The following PDS5A variants were observed in gnomAD, a reference collection of about 807,000 sequenced individuals.
The protein encoded by PDS5A is sister chromatid cohesion protein PDS5 homolog A.
Under a neutral mutation model 167.1 loss-of-function variants are expected in PDS5A, and 42 were observed. The observed-to-expected ratio is 0.25, with a 90% CI of 0.20 to 0.33. PDS5A has a LOEUF of 0.33. Ranked by LOEUF, PDS5A falls within the 10% of genes least tolerant of loss-of-function variation. The pLI is 1.00. For synonymous variants in PDS5A, 553 were observed against 554.6 expected (o/e 1.00, Z 0.04); for missense variants, 1,033 against 1,605.9 (o/e 0.64, Z 6.10).
At chr4:39,920,269 A>G (rs1170021303) in intron 7 of PDS5A, 50 bp downstream of exon 7, 1 of 791,590 alleles carries the variant, frequency 1.3e-6, no homozygotes, top group Non-Finnish European at 2.1e-6. Flanking sequence ...AATTAATACA[A>G]TGGATTAAGA....
intron 2 of PDS5A, among the ~76,000 whole-genome samples, chr4:39,958,892 A>T (rs1430004239): frequency 6.6e-6 from 1 of 152,198 alleles, no homozygotes; most frequent in Non-Finnish European, 1.5e-5. Context: ...TATAGGCATG[A>T]GCCACTGCGC....
Position 39,873,090 on chromosome 4 carries a change from C to T in PDS5A, c.2332G>A (p.Val778Ile). Residue 778 changes from valine to isoleucine, a missense_variant, in exon 21 of 33, where the codon GTT becomes ATT. By Grantham distance (29) the Val-to-Ile change is conservative (BLOSUM62 3). Coordinates refer to ENST00000303538, the MANE Select transcript of PDS5A (RefSeq NM_001100399.2). ...AACATAGAAATGTGGCCCAATGAAACTAATGGAGTTATAAGTTGTTCTGGC... is the reference window on the plus strand; with the variant it reads ...AACATAGAAATGTGGCCCAATGAAATTAATGGAGTTATAAGTTGTTCTGGC... ...DVPEQLITPLVSLGHISMLAP... is the reference protein window; with the variant it reads ...DVPEQLITPLISLGHISMLAP... 1 of 1,544,780 alleles carries T rather than the reference C, an allele frequency of 6.5e-7. No individual in the cohort carries two copies. Among genetic ancestry groups the T allele is most frequent in the African/African-American group, 1.3e-5 (1 of 74,302 alleles).
In PDS5A at chr4:39,917,075, G is replaced by A. The variant is rs773474432; in HGVS notation, c.849C>T (p.Val283=). 7 of 1,531,530 alleles carry A rather than the reference G, an allele frequency of 4.6e-6. No homozygotes were observed. In the South Asian group the frequency reaches 6.5e-5, roughly 14 times the overall value. 94.9% of individuals were successfully genotyped at this position (1,531,530 alleles called of 1,614,324 possible). Reference sequence around the variant, plus strand: ...TTAGTTTGAATTCAAGCTGTGGCATGACGGATAATAATAAATGAGGATCTA... The same window carrying A: ...TTAGTTTGAATTCAAGCTGTGGCATAACGGATAATAATAAATGAGGATCTA... ...FAIDPHLLLS[V]MPQLEFKLKS... Residue 283 remains valine (V), a synonymous_variant, in exon 8 of 33, where the codon GTC becomes GTT. Coordinates refer to ENST00000303538, the MANE Select transcript of PDS5A (RefSeq NM_001100399.2).
intron 26 of PDS5A, among the ~76,000 whole-genome samples, chr4:39,850,201 G>A (rs190852598): frequency 6.6e-6 from 1 of 151,670 alleles, no homozygotes; most frequent in East Asian, 1.9e-4. Flanking sequence ...GAACCCAGGA[G>A]GCAGAGCTTA....
intron 11 of PDS5A, among the ~76,000 whole-genome samples, chr4:39,905,232 G>C (rs144687142): frequency 1.3e-5 from 2 of 152,234 alleles, no homozygotes; most frequent in Non-Finnish European, 2.9e-5. Context: ...CTCAAACAGA[G>C]CTTCCAATCA....
chr4:39,920,729 G>A (rs1205323333), intron 6 of PDS5A, among the ~76,000 whole-genome samples: 1 of 152,178 alleles, frequency 6.6e-6, no homozygotes. Context: ...AATGTAAACT[G>A]ACAACTACAC....
chr4:39,903,881 C>T (rs1403022319), intron 12 of PDS5A, among the ~76,000 whole-genome samples, 159 bp downstream of exon 12: 1 of 152,032 alleles, frequency 6.6e-6, no homozygotes, highest in Non-Finnish European at 1.5e-5. Context: ...AAAAAGCTAT[C>T]TCTAAACTTA....
intron 26 of PDS5A, among the ~76,000 whole-genome samples, chr4:39,851,379 ACCATGGTGT>A (rs1718110203): frequency 6.6e-6 from 1 of 152,072 alleles, no homozygotes; most frequent in African/African-American, 2.4e-5. Flanking sequence ...AGCCCCAGCA[ACCATGGTGT>A]CCTGGGCTCA....
chr4:39,833,555 T>G (rs1161793648), intron 32 of PDS5A, among the ~76,000 whole-genome samples: 1 of 152,018 alleles, frequency 6.6e-6, no homozygotes, highest in East Asian at 1.9e-4. Context: ...ACCTGGCTAA[T>G]TTTTCTATTT....
intron 9 of PDS5A, among the ~76,000 whole-genome samples, chr4:39,912,556 C>T (rs756437023): frequency 9.9e-5 from 15 of 152,250 alleles, no homozygotes; most frequent in Admixed American, 7.2e-4. Context: ...GCCTTGTCAG[C>T]GATTTCTCAG....
intron 2 of PDS5A, among the ~76,000 whole-genome samples, chr4:39,934,203 G>A (rs1460064870): frequency 6.6e-6 from 1 of 152,082 alleles, no homozygotes. Context: ...CCACCTTTCT[G>A]ATTAGAGCAC....
intron 16 of PDS5A, among the ~76,000 whole-genome samples, chr4:39,894,876 C>A (rs1182081730): frequency 6.6e-6 from 1 of 152,012 alleles, no homozygotes; most frequent in African/African-American, 2.4e-5. Flanking sequence ...ACATACCCTC[C>A]CCCTGCCCAC....
chr4:39,882,887 G>A (rs1721081387), intron 17 of PDS5A, among the ~76,000 whole-genome samples: 1 of 152,104 alleles, frequency 6.6e-6, no homozygotes, highest in African/African-American at 2.4e-5. Context: ...TGCTTGGGAA[G>A]TCTATGCTAT....
At position 39,902,414 on chromosome 4, in the gene PDS5A, G is replaced by A. The variant is rs1378184762; in HGVS notation, c.1432C>T (p.Leu478=). The change falls in exon 13 of 33, where the codon CTG becomes TTG. Residue 478 remains leucine, a synonymous_variant. Coordinates refer to ENST00000303538, the MANE Select transcript of PDS5A (RefSeq NM_001100399.2). ...CATTTCATTCTCTCTTCTGTTTCCA[G>A]GTTGTGGGGGACAAGATACTGAGCA... ...IFAQYLVPHN[L]ETEERMKCLY... 6.3e-7 allele frequency: 1 copy of A among 1,594,836 alleles called. No homozygotes were observed. The highest frequency in any genetic ancestry group is 8.6e-7 in the Non-Finnish European group (1 of 1,166,492).
intron 16 of PDS5A, among the ~76,000 whole-genome samples, chr4:39,891,242 A>G (rs1482640515): frequency 6.6e-6 from 1 of 151,484 alleles, no homozygotes; most frequent in Admixed American, 6.6e-5. Flanking sequence ...CATGTTGGCC[A>G]GGCTGGTCTC....
intron 2 of PDS5A, among the ~76,000 whole-genome samples, chr4:39,945,137 G>A (rs1263710760): frequency 6.6e-6 from 1 of 151,968 alleles, no homozygotes; most frequent in African/African-American, 2.4e-5. Context: ...GAGGAAACAG[G>A]CCAAATAAGT....
chr4:39,937,104 T>C (rs966691918), intron 2 of PDS5A, among the ~76,000 whole-genome samples: 1 of 152,184 alleles, frequency 6.6e-6, no homozygotes, highest in Non-Finnish European at 1.5e-5. Context: ...CACTGGGCTT[T>C]ATGACGCAGG....
rs938460209 is a variant in PDS5A, at chr4:39,879,155, T to C, written c.1992+573A>G. On this transcript the variant is annotated intron_variant, in intron 18 of 32. Coordinates refer to ENST00000303538, the MANE Select transcript of PDS5A (RefSeq NM_001100399.2). ...GTATGTCACAGTGGTATCATGTCTCTTTGCCTTCAATTTCTTCCCTTCTTT... is the reference window on the plus strand; with the variant it reads ...GTATGTCACAGTGGTATCATGTCTCCTTGCCTTCAATTTCTTCCCTTCTTT... 2.6e-5 allele frequency among the ~76,000 whole-genome samples: 4 copies of C among 152,186 alleles called. No individual in the cohort carries two copies. The East Asian group carries it at 5.8e-4, about 22-fold the overall frequency.
chr4:39,958,312 G>A (rs1356567998), intron 2 of PDS5A, among the ~76,000 whole-genome samples: 4 of 151,942 alleles, frequency 2.6e-5, no homozygotes, highest in Admixed American at 2.6e-4. Flanking sequence ...TTCAAGGTCA[G>A]CCTGGCCAAC....
Sources: gnomAD v4.1 joint callset for allele counts (sites outside exome capture counted in the v4.1 genomes callset) on GRCh38, gnomAD v4.1.1 for gene constraint, MANE v1.5 for transcripts, NCBI Gene and HGNC (gene_info 2026-07-23, HGNC 2026-07-21) for gene names.